The following IGFL2 variants were observed in gnomAD, a reference collection of about 807,000 sequenced individuals.
IGFL2 encodes the protein IGF like family member 2.
A neutral mutation model predicts 13.9 loss-of-function variants in IGFL2; 7 were observed. That is an observed-to-expected ratio of 0.51 (90% CI 0.29 to 0.95). IGFL2 has a LOEUF of 0.95. Among genes scored for constraint, IGFL2 ranks in the 40% least tolerant of loss-of-function variants. The probability of loss-of-function intolerance (pLI) is 0.08; values close to 1 mark genes in which losing one functional copy is unlikely to be tolerated. For synonymous variants in IGFL2, 55 were observed against 55.8 expected (o/e 0.99, Z 0.07); for missense variants, 138 against 147.8 (o/e 0.93, Z 0.34).
the IGFL2 span, among the ~76,000 whole-genome samples, chr19:46,103,388 G>T: frequency 5.3e-5 from 8 of 152,140 alleles, no homozygotes; most frequent in Non-Finnish European, 8.8e-5. Flanking sequence ...TAGTGTGGTG[G>T]AGGTAGCTGG....
chr19:46,124,693 G>A, the IGFL2 span: 1 of 1,572,468 alleles, frequency 6.4e-7, no homozygotes, highest in Admixed American at 1.7e-5. Context: ...AGTGGTAAAA[G>A]GCTGGAACTT....
At chr19:46,152,028 A>G (rs369324762) in intron 1 of IGFL2, among the ~76,000 whole-genome samples, 12 of 152,134 alleles carry the variant, frequency 7.9e-5, no homozygotes, top group African/African-American at 2.4e-4. Context: ...ATTTATTTAC[A>G]TATTCTTAAT....
intron 1 of IGFL2, among the ~76,000 whole-genome samples, chr19:46,155,029 GA>G (rs1236129944): frequency 2.0e-5 from 3 of 152,074 alleles, no homozygotes; most frequent in African/African-American, 7.2e-5. Context: ...AGAACACTGG[GA>G]GGGGGTGGTA....
At chr19:46,093,006 T>G in the IGFL2 span, among the ~76,000 whole-genome samples, 3 of 152,284 alleles carry the variant, frequency 2.0e-5, no homozygotes, top group Admixed American at 1.3e-4. Flanking sequence ...TGATAAATAA[T>G]TTTTAACTAT....
intron 1 of IGFL2, 135 bp from the exon 2 acceptor site, chr19:46,160,280 C>G: frequency 1.4e-6 from 1 of 730,512 alleles, no homozygotes; most frequent in Non-Finnish European, 2.4e-6. Context: ...AGATCCTATG[C>G]AAAGATAGTT....
chr19:46,202,837 T>C, the IGFL2 span: 1 of 152,210 alleles, frequency 6.6e-6, no homozygotes, highest in Non-Finnish European at 1.5e-5. Context: ...AGAGGCTACT[T>C]ACCCGATTTA....
the IGFL2 span, among the ~76,000 whole-genome samples, chr19:46,188,987 G>A: frequency 2.0e-4 from 31 of 152,258 alleles, no homozygotes; most frequent in Non-Finnish European, 3.8e-4. Context: ...CCCCATGTGC[G>A]GAGACGAGAG....
chr19:46,191,221 T>C, the IGFL2 span, among the ~76,000 whole-genome samples: 1 of 152,042 alleles, frequency 6.6e-6, no homozygotes, highest in Non-Finnish European at 1.5e-5. Flanking sequence ...AAACAGATAC[T>C]ACAAAACTCA....
At chr19:46,179,749 C>G in the IGFL2 span, among the ~76,000 whole-genome samples, 2 of 152,084 alleles carry the variant, frequency 1.3e-5, no homozygotes, top group African/African-American at 4.8e-5. Context: ...AACTCCATCT[C>G]TGCTGAAAAC....
chr19:46,084,952 A>G, the IGFL2 span, among the ~76,000 whole-genome samples: 29 of 152,162 alleles, frequency 1.9e-4, no homozygotes, highest in African/African-American at 7.0e-4. Context: ...TTCCGGCATC[A>G]ACTCAGTCAA....
upstream of IGFL2, among the ~76,000 whole-genome samples, chr19:46,139,333 A>G (rs888267406): frequency 2.7e-4 from 21 of 78,512 alleles, no homozygotes; most frequent in Admixed American, 3.6e-4. Flanking sequence ...CCTCTCCCCA[A>G]TCAAAACCAA....
the IGFL2 span, among the ~76,000 whole-genome samples, chr19:46,206,193 C>A: frequency 9.9e-5 from 15 of 152,232 alleles, no homozygotes; most frequent in Admixed American, 2.6e-4. Context: ...GCTTCTGACA[C>A]CCCCTGCCCC....
At chr19:46,168,101 A>G in the IGFL2 span, among the ~76,000 whole-genome samples, 1 of 152,114 alleles carries the variant, frequency 6.6e-6, no homozygotes, top group Non-Finnish European at 1.5e-5. Context: ...CATGCCAGCT[A>G]ATTTTTGTAT....
At chr19:46,089,773 C>T in the IGFL2 span, among the ~76,000 whole-genome samples, 1 of 151,766 alleles carries the variant, frequency 6.6e-6, no homozygotes, top group African/African-American at 2.4e-5. Flanking sequence ...TTGTTGCTTT[C>T]AGGATCCTAT....
the IGFL2 span, among the ~76,000 whole-genome samples, chr19:46,084,021 A>T: frequency 0.013 from 2,047 of 152,242 alleles, 32 homozygotes; most frequent in Middle Eastern, 0.027. Context: ...AGAAATTTTT[A>T]AATTTCCCTT....
At chr19:46,113,342 T>G in the IGFL2 span, 2 of 328,784 alleles carry the variant, frequency 6.1e-6, no homozygotes, top group South Asian at 5.0e-5. Flanking sequence ...CAGACTGTTG[T>G]TGGATGTATT....
At chr19:46,202,495 AAG>A in the IGFL2 span, 2 of 152,118 alleles carry the variant, frequency 1.3e-5, no homozygotes, top group Non-Finnish European at 1.5e-5. Context: ...GTTTAGAGAA[AAG>A]AGAGGGTAGA....
the IGFL2 span, among the ~76,000 whole-genome samples, chr19:46,125,459 G>A: frequency 6.6e-6 from 1 of 152,220 alleles, no homozygotes; most frequent in Non-Finnish European, 1.5e-5. Flanking sequence ...TGCCAGGCAA[G>A]TGCCAGCTAG....
chr19:46,149,007 A>C, intron 1 of IGFL2: 1 of 1,604,754 alleles, frequency 6.2e-7, no homozygotes. Flanking sequence ...TGTCTCAGGC[A>C]TGAGGACCGA....
Sources: gnomAD v4.1 joint callset for allele counts (sites outside exome capture counted in the v4.1 genomes callset) on GRCh38, gnomAD v4.1.1 for gene constraint, MANE v1.5 for transcripts, NCBI Gene and HGNC (gene_info 2026-07-23, HGNC 2026-07-21) for gene names.